The following KIAA1549L variants were observed in gnomAD, a reference collection of about 807,000 sequenced individuals.
KIAA1549L encodes UPF0606 protein KIAA1549L.
KIAA1549L carries 88 observed loss-of-function variants against 160.7 expected under a neutral mutation model. That is an observed-to-expected ratio of 0.55 (90% CI 0.46 to 0.65). KIAA1549L has a LOEUF of 0.65. Ranked by LOEUF, KIAA1549L falls within the 30% of genes least tolerant of loss-of-function variation. The pLI is 0.00. For missense variants in KIAA1549L, 2,258 were observed against 2,437.5 expected (o/e 0.93, Z 1.55); for synonymous variants, 950 against 976.7 (o/e 0.97, Z 0.51).
intron 1 of KIAA1549L, among the ~76,000 whole-genome samples, chr11:33,540,706 G>T (rs1380423275): frequency 6.6e-6 from 1 of 152,186 alleles, no homozygotes; most frequent in African/African-American, 2.4e-5. Context: ...AGCTATATAT[G>T]CATTTTATCA....
chr11:33,403,631 AC>A (rs1826880927), intron 1 of KIAA1549L: 1 of 152,002 alleles, frequency 6.6e-6, no homozygotes, highest in African/African-American at 2.4e-5. Context: ...CAGACATAAC[AC>A]CCACACCTAC....
intron 18 of KIAA1549L, among the ~76,000 whole-genome samples, chr11:33,657,092 A>T (rs913673033): frequency 6.6e-6 from 1 of 152,134 alleles, no homozygotes; most frequent in Non-Finnish European, 1.5e-5. Context: ...TTTTCTGAAC[A>T]AGTAGCAGAT....
chr11:33,656,315 G>A (rs1426196418), intron 18 of KIAA1549L, among the ~76,000 whole-genome samples: 1 of 152,164 alleles, frequency 6.6e-6, no homozygotes, highest in Non-Finnish European at 1.5e-5. Flanking sequence ...TAACCAGAAA[G>A]TTCTTGAGAA....
In KIAA1549L at chr11:33,668,030, C is replaced by G. The variant is rs1324045461; in HGVS notation, c.6317C>G (p.Ala2106Gly). 1 of 1,614,026 alleles carries G rather than the reference C, an allele frequency of 6.2e-7. No individual in the cohort carries two copies. Among genetic ancestry groups the G allele is most frequent in the South Asian group, 1.1e-5 (1 of 91,082 alleles). ...PSTAASQQSL[A>G]ENDPSDAPLT... ...ACAGCGGCCTCGCAGCAGAGCCTGG[C>G]AGAAAACGACCCGTCTGACGCTCCC... The change falls in exon 21 of 21, where the codon GCA becomes GGA. Residue 2106 changes from alanine to glycine, a missense_variant. By Grantham distance (60) the Ala-to-Gly change is moderately conservative. Around this residue, in one of 6 missense-constraint regions of KIAA1549L, gnomAD observed 1,359 missense variants for 1,546.6 expected, o/e 0.88. Coordinates refer to ENST00000658780, the MANE Select transcript of KIAA1549L (RefSeq NM_012194.3).
At chr11:33,554,603 C>T (rs562166739) in intron 6 of KIAA1549L, among the ~76,000 whole-genome samples, 4 of 152,300 alleles carry the variant, frequency 2.6e-5, no homozygotes, top group Admixed American at 1.3e-4. Context: ...TGCTCACAGT[C>T]TTGTGGAACC....
chr11:33,565,247 G>C lies in KIAA1549L; in HGVS notation c.4079-2829G>C, dbSNP rs73490855. Among the ~76,000 whole-genome samples the C allele has an allele frequency of 9.2e-3, 1,403 of 152,276 alleles. 26 individuals are homozygous for C. Among genetic ancestry groups the C allele is most frequent in the African/African-American group, 0.032 (1,336 of 41,536 alleles). On this transcript the variant is annotated intron_variant, in intron 8 of 20. Transcript: ENST00000658780. ...AGCCTGCCACATTTTTCAGGGGAAG[G>C]GGGAGGAGCCACATCCTGGGACACA...
At chr11:33,492,953 AAC>A (rs1340525780) in intron 1 of KIAA1549L, among the ~76,000 whole-genome samples, 1 of 151,944 alleles carries the variant, frequency 6.6e-6, no homozygotes, top group Non-Finnish European at 1.5e-5. Context: ...TGATCAGGAA[AAC>A]ACAGTGTTTT....
At chr11:33,499,189 A>G (rs2224527) in intron 1 of KIAA1549L, among the ~76,000 whole-genome samples, 108,322 of 152,036 alleles carry the variant, frequency 0.71, 39,113 homozygotes, top group African/African-American at 0.84. Flanking sequence ...CAGCAAGTTA[A>G]CCTCTGTGTC....
At chr11:33,481,785 G>A (rs764939688) in intron 1 of KIAA1549L, among the ~76,000 whole-genome samples, 4 of 152,232 alleles carry the variant, frequency 2.6e-5, no homozygotes, top group Non-Finnish European at 5.9e-5. Flanking sequence ...TCTAGAAAGT[G>A]TTCCAATAGA....
At position 33,667,888 on chromosome 11, in the gene KIAA1549L, T is replaced by C. The variant is rs1420422139; in HGVS notation, c.6175T>C (p.Tyr2059His). The change falls in exon 21 of 21, where the codon TAC (tyrosine) becomes CAC (histidine). Residue 2059 changes from tyrosine (Y) to histidine (H), a missense_variant. Physicochemically the swap from Tyr to His is moderately conservative, Grantham distance 83. Around this residue, in one of 6 missense-constraint regions of KIAA1549L, gnomAD observed 1,359 missense variants for 1,546.6 expected, o/e 0.88. Transcript: ENST00000658780. ...CCCTCTGCAGGTGCCCCTCCCAGGG[T>C]ACATCGAGGCCTACCCCCGATCACG... The part of the protein sequence containing the change: ...QWADSVPLPG[Y>H]IEAYPRSRYP... 3.1e-6 allele frequency: 5 copies of C among 1,611,840 alleles called. No homozygotes were observed. In the East Asian group the frequency reaches 6.7e-5, roughly 22 times the overall value.
At chr11:33,463,940 T>C (rs988549878) in intron 1 of KIAA1549L, among the ~76,000 whole-genome samples, 1 of 152,210 alleles carries the variant, frequency 6.6e-6, no homozygotes, top group African/African-American at 2.4e-5. Flanking sequence ...ACCCTGCTGG[T>C]ACCAGGTTGG....
intron 1 of KIAA1549L, among the ~76,000 whole-genome samples, chr11:33,394,191 G>GGT (rs1325430623): frequency 2.6e-5 from 4 of 152,024 alleles, no homozygotes; most frequent in African/African-American, 9.7e-5. Context: ...TCGGCAACAT[G>GGT]GTGAGGCCCC....
chr11:33,480,638 G>C (rs1852392092), intron 1 of KIAA1549L, among the ~76,000 whole-genome samples: 1 of 152,148 alleles, frequency 6.6e-6, no homozygotes, highest in Admixed American at 6.5e-5. Flanking sequence ...GAAATTTTGG[G>C]GAAGGATCTC....
At chr11:33,496,951 CTCA>C (rs1221919403) in intron 1 of KIAA1549L, among the ~76,000 whole-genome samples, 4 of 152,136 alleles carry the variant, frequency 2.6e-5, no homozygotes, top group African/African-American at 9.7e-5. Context: ...TCCTTTCAAC[CTCA>C]TTTCTACCCC....
At position 33,435,777 on chromosome 11, in the gene KIAA1549L, T is replaced by G. The variant is rs12792141; in HGVS notation, c.238+58888T>G. On this transcript the variant is annotated intron_variant, in intron 1 of 20. Coordinates refer to ENST00000658780, the MANE Select transcript of KIAA1549L (RefSeq NM_012194.3). Reference sequence around the variant, plus strand: ...CCAATAAGATATATATATATATATATATATATATATATATATATATATATA... The same window carrying G: ...CCAATAAGATATATATATATATATAGATATATATATATATATATATATATA... Among the ~76,000 whole-genome samples the G allele has an allele frequency of 1.0e-3, 7 of 6,904 alleles. 1 individual carries two copies. Among genetic ancestry groups the G allele is most frequent in the African/African-American group, 1.9e-3 (2 of 1,060 alleles). The allele number at this position is 6,904 out of a possible 152,430, so 4.5% of individuals were successfully genotyped here.
chr11:33,492,054 C>G (rs1037710146), intron 1 of KIAA1549L, among the ~76,000 whole-genome samples: 14 of 152,126 alleles, frequency 9.2e-5, no homozygotes, highest in Admixed American at 1.3e-4. Flanking sequence ...GGTACCTCTG[C>G]CCAGGGAGAC....
intron 17 of KIAA1549L, among the ~76,000 whole-genome samples, chr11:33,650,322 T>C (rs1243831340): frequency 6.6e-6 from 1 of 152,164 alleles, no homozygotes; most frequent in Admixed American, 6.5e-5. Context: ...CAAGGCTGTG[T>C]GAGAAGGGAG....
In KIAA1549L at chr11:33,641,572, G is replaced by GTATA. The variant is rs10523183; in HGVS notation, c.5410-4055_5410-4052dup. On this transcript the variant is annotated intron_variant, in intron 16 of 20. Transcript: ENST00000658780. ...ACAACTATAGTATGGTAATGGATCTGTATATATATATATATATATATATAT... is the reference window on the plus strand; with the variant it reads ...ACAACTATAGTATGGTAATGGATCTGTATATATATATATATATATATATATATAT... Among the ~76,000 whole-genome samples, 90 of 96,694 alleles carry GTATA rather than the reference G, an allele frequency of 9.3e-4. 1 individual carries two copies. The highest frequency in any genetic ancestry group is 1.5e-3 in the Non-Finnish European group (63 of 41,958). The allele number at this position is 96,694 out of a possible 152,430, so 63.4% of individuals were successfully genotyped here. A position where few individuals can be genotyped will look rare whatever the true frequency, so the allele number is the denominator to read the frequency against.
At chr11:33,397,666 C>T (rs1482253372) in intron 1 of KIAA1549L, among the ~76,000 whole-genome samples, 15 of 150,132 alleles carry the variant, frequency 1.0e-4, no homozygotes, top group East Asian at 2.0e-4. Flanking sequence ...GAGCCAAGAT[C>T]GCGCCACTGC....
Sources: gnomAD v4.1 joint callset for allele counts (sites outside exome capture counted in the v4.1 genomes callset) on GRCh38, gnomAD v4.1.1 for gene constraint, gnomAD v4.1.1 regional missense constraint, MANE v1.5 for transcripts, NCBI Gene and HGNC (gene_info 2026-07-23, HGNC 2026-07-21) for gene names.